Variants in ONECUT2 observed in about 807,000 individuals in gnomAD.
The protein encoded by ONECUT2 is one cut homeobox 2, also known as one cut domain family member 2.
In ONECUT2, 10 loss-of-function variants were observed where a neutral mutation model predicts 27.9. The ratio of observed to expected loss-of-function variants is 0.36; its 90% CI spans 0.22 to 0.61. ONECUT2 has a LOEUF of 0.61. Ranked by LOEUF, ONECUT2 falls within the 20% of genes least tolerant of loss-of-function variation. The probability of loss-of-function intolerance (pLI) is 0.73; values close to 1 mark genes in which losing one functional copy is unlikely to be tolerated. For missense variants in ONECUT2, 686 were observed against 721.0 expected, an observed-to-expected ratio of 0.95 and a Z score of 0.56; for synonymous variants, 334 against 315.1, an observed-to-expected ratio of 1.06 and a Z score of -0.64.
At chr18:57,464,600 T>A (rs1478353657) in intron 1 of ONECUT2, among the ~76,000 whole-genome samples, 1 of 152,280 alleles carries the variant, frequency 6.6e-6, no homozygotes, top group East Asian at 1.9e-4. Context: ...TCCAAAGGAA[T>A]GTCTTTTGTT....
Position 57,435,909 on chromosome 18 carries a change from C to T in ONECUT2, c.193C>T (p.Pro65Ser). The T allele has an allele frequency of 8.7e-7, 1 of 1,145,182 alleles. No individual in the cohort carries two copies. The allele number at this position is 1,145,182 out of a possible 1,614,324, so 70.9% of individuals were successfully genotyped here. ...PGHEQELLAS[P>S]SPHHAGRGAA... Reference sequence around the variant, plus strand: ...CCATGAGCAGGAGCTGCTGGCCAGCCCCAGCCCCCACCACGCGGGCCGCGG... The same window carrying T: ...CCATGAGCAGGAGCTGCTGGCCAGCTCCAGCCCCCACCACGCGGGCCGCGG... Residue 65 changes from proline to serine, a missense_variant, in exon 1 of 2, where the codon CCC becomes TCC. Physicochemically the swap from Pro to Ser is moderately conservative, Grantham distance 74 (BLOSUM62 -1). Transcript: ENST00000491143.
chr18:57,478,625 G>C lies in ONECUT2; in HGVS notation c.*1902G>C, dbSNP rs1466700271. 2.0e-5 allele frequency: 3 copies of C among 152,650 alleles called. No individual in the cohort carries two copies. Among genetic ancestry groups the C allele is most frequent in the Non-Finnish European group, 4.4e-5 (3 of 68,036 alleles). The allele number at this position is 152,650 out of a possible 1,614,324, so 9.5% of individuals were successfully genotyped here. ...GAGACAAAGATAGAAATAAGGAAGA[G>C]CCTCAGTGGCTGCTGCTTCATTTGA... On this transcript the variant is annotated 3_prime_UTR_variant, in exon 2 of 2. Coordinates refer to ENST00000491143, the MANE Select transcript of ONECUT2 (RefSeq NM_004852.3).
intron 1 of ONECUT2, among the ~76,000 whole-genome samples, chr18:57,473,832 C>T (rs2050367468): frequency 6.6e-6 from 1 of 152,198 alleles, no homozygotes; most frequent in African/African-American, 2.4e-5. Context: ...CCTGCAAAGG[C>T]TATTTCTGTG....
In ONECUT2 at chr18:57,436,632, C is replaced by A. The variant is rs879814910; in HGVS notation, c.916C>A (p.Pro306Thr). 6.2e-6 allele frequency: 10 copies of A among 1,611,712 alleles called. No individual in the cohort carries two copies. The highest frequency in any genetic ancestry group is 8.5e-6 in the Non-Finnish European group (10 of 1,179,886). ...HHPGHTQSHG[P>T]VLAPSRERPP... ...CCCGGGCCACACTCAGTCTCACGGG[C>A]CGGTGCTGGCACCCAGTCGCGAGCG... Residue 306 changes from proline (P) to threonine (T), a missense_variant, in exon 1 of 2, where the codon CCG (proline) becomes ACG (threonine). Pro to Thr is a conservative substitution (Grantham distance 38). This residue lies in a region of ONECUT2 where 511 missense variants were observed against 488.1 expected (regional missense o/e 1.05). Coordinates refer to ENST00000491143, the MANE Select transcript of ONECUT2 (RefSeq NM_004852.3). The surrounding 1 kb of genome is among the most constrained non-coding windows in gnomAD (Gnocchi z 5.9).
At position 57,477,638 on chromosome 18, in the gene ONECUT2, A is replaced by G. The variant is rs1369674615; in HGVS notation, c.*915A>G. 6.6e-6 allele frequency: 1 copy of G among 152,640 alleles called. No individual in the cohort carries two copies. 9.5% of individuals were successfully genotyped at this position (152,640 alleles called of 1,614,324 possible). Reference sequence around the variant, plus strand: ...GTTTGCTACAAATTCTGTTGTACATAATGCAGACGCACACTCAGGAGGCCA... The same window carrying G: ...GTTTGCTACAAATTCTGTTGTACATGATGCAGACGCACACTCAGGAGGCCA... On this transcript the variant is annotated 3_prime_UTR_variant, in exon 2 of 2. Transcript: ENST00000491143.
chr18:57,444,045 A>G (rs530351673), intron 1 of ONECUT2, among the ~76,000 whole-genome samples: 2 of 152,258 alleles, frequency 1.3e-5, no homozygotes, highest in Non-Finnish European at 2.9e-5. Flanking sequence ...ACTTGAAGTC[A>G]TGTAATCTCT....
At chr18:57,471,148 C>T (rs2050351261) in intron 1 of ONECUT2, among the ~76,000 whole-genome samples, 1 of 152,190 alleles carries the variant, frequency 6.6e-6, no homozygotes, top group Non-Finnish European at 1.5e-5. Flanking sequence ...CCTTTGCATC[C>T]CCTCTGGATG....
rs763952035 is a variant in ONECUT2 at position 57,436,726 on chromosome 18, A to G, written c.1010A>G (p.Glu337Gly). ...CAGCTGGAAGAAATCAACACCAAAG[A>G]GGTGGCCCAGCGCATCACAGCGGAG... is the stretch of plus-strand genomic sequence containing the variant. ...SGQLEEINTKEVAQRITAELK... is the reference protein window; with the variant it reads ...SGQLEEINTKGVAQRITAELK... The change falls in exon 1 of 2, where the codon GAG becomes GGG. Residue 337 changes from glutamate to glycine, a missense_variant. Physicochemically the swap from Glu to Gly is moderately conservative, Grantham distance 98. Around this residue, in one of 4 missense-constraint regions of ONECUT2, gnomAD observed 47 missense variants for 86.0 expected, o/e 0.55. Coordinates refer to ENST00000491143, the MANE Select transcript of ONECUT2 (RefSeq NM_004852.3). This position sits in a 1 kb window ranked among gnomAD's most constrained non-coding sequence, Gnocchi z 5.9. The G allele has an allele frequency of 6.2e-7, 1 of 1,613,848 alleles. No individual in the cohort carries two copies. Among genetic ancestry groups the G allele is most frequent in the Non-Finnish European group, 8.5e-7 (1 of 1,180,022 alleles).
chr18:57,471,135 C>T (rs1017507891), intron 1 of ONECUT2, among the ~76,000 whole-genome samples: 3 of 152,204 alleles, frequency 2.0e-5, no homozygotes, highest in Non-Finnish European at 4.4e-5. Context: ...CCTGTCCCGC[C>T]TCCCTTTGCA....
chr18:57,453,607 T>C (rs2050243078), intron 1 of ONECUT2, among the ~76,000 whole-genome samples: 3 of 152,304 alleles, frequency 2.0e-5, no homozygotes, highest in Non-Finnish European at 4.4e-5. Context: ...TTTATGCCTA[T>C]GGTTTTGCAG....
At chr18:57,464,040 T>C (rs1296009310) in intron 1 of ONECUT2, among the ~76,000 whole-genome samples, 1 of 152,034 alleles carries the variant, frequency 6.6e-6, no homozygotes, top group Admixed American at 6.6e-5. Context: ...GAGGATTCTG[T>C]TTCTGGCTGA....
intron 1 of ONECUT2, among the ~76,000 whole-genome samples, chr18:57,457,785 T>C (rs1161115740): frequency 2.0e-5 from 3 of 152,196 alleles, no homozygotes; most frequent in Non-Finnish European, 4.4e-5. Context: ...TGGAATACTA[T>C]GCAGCCATAA....
At position 57,487,273 on chromosome 18, in the gene ONECUT2, T is replaced by A. The variant is rs1321025403; in HGVS notation, c.*10550T>A. On this transcript the variant is annotated 3_prime_UTR_variant, in exon 2 of 2. Transcript: ENST00000491143. ...CCAATTTGCATTCCACAAATTGGGATCCTCATAACCCAAATATATCACCGT... is the reference window on the plus strand; with the variant it reads ...CCAATTTGCATTCCACAAATTGGGAACCTCATAACCCAAATATATCACCGT... 2.6e-5 allele frequency: 4 copies of A among 152,368 alleles called. No homozygotes were observed. The allele number at this position is 152,368 out of a possible 1,614,324, so 9.4% of individuals were successfully genotyped here.
At chr18:57,448,833 G>A (rs1376118146) in intron 1 of ONECUT2, among the ~76,000 whole-genome samples, 3 of 152,134 alleles carry the variant, frequency 2.0e-5, no homozygotes, top group Non-Finnish European at 4.4e-5. Context: ...TCTATTATCT[G>A]TTTTGACCCT....
intron 1 of ONECUT2, among the ~76,000 whole-genome samples, chr18:57,472,769 C>A (rs1267395702): frequency 1.3e-5 from 2 of 152,034 alleles, no homozygotes; most frequent in Non-Finnish European, 2.9e-5. Context: ...CCAATGTGGA[C>A]CTGTACCCAA....
At chr18:57,449,998 A>G (rs1289652692) in intron 1 of ONECUT2, among the ~76,000 whole-genome samples, 2 of 152,128 alleles carry the variant, frequency 1.3e-5, no homozygotes, top group Admixed American at 1.3e-4. Flanking sequence ...TGAGCTCCCC[A>G]TGGACTGCTG....
Position 57,486,359 on chromosome 18 carries a change from A to G in ONECUT2, c.*9636A>G, listed in dbSNP as rs1251453566. The G allele has an allele frequency of 2.0e-5, 3 of 152,618 alleles. No individual in the cohort carries two copies. Among genetic ancestry groups the G allele is most frequent in the African/African-American group, 7.2e-5 (3 of 41,438 alleles). 9.5% of individuals were successfully genotyped at this position (152,618 alleles called of 1,614,324 possible). On this transcript the variant is annotated 3_prime_UTR_variant, in exon 2 of 2. Transcript: ENST00000491143. Reference sequence around the variant, plus strand: ...GCTTTGCAATGCAACCCTGCAAAGAACAAGATTTGTACTAATACCAAAGGT... The same window carrying G: ...GCTTTGCAATGCAACCCTGCAAAGAGCAAGATTTGTACTAATACCAAAGGT...
chr18:57,436,412 G>A lies in ONECUT2; in HGVS notation c.696G>A (p.Leu232=). Residue 232 remains leucine (L), a synonymous_variant, in exon 1 of 2, where the codon CTG becomes CTA. Coordinates refer to ENST00000491143, the MANE Select transcript of ONECUT2 (RefSeq NM_004852.3). The surrounding 1 kb of genome is among the most constrained non-coding windows in gnomAD (Gnocchi z 5.9). ...TGTCCCCGCTGGCCGCCACGCCGCT[G>A]GGCAACGGGCTAGGCGGCCTCCACA... ...QSLSPLAATP[L]GNGLGGLHNA... 6.2e-7 allele frequency: 1 copy of A among 1,611,480 alleles called. No homozygotes were observed. Among genetic ancestry groups the A allele is most frequent in the Non-Finnish European group, 8.5e-7 (1 of 1,179,856 alleles).
intron 1 of ONECUT2, among the ~76,000 whole-genome samples, chr18:57,461,263 A>G (rs925874001): frequency 1.1e-4 from 16 of 151,876 alleles, no homozygotes; most frequent in African/African-American, 3.9e-4. Flanking sequence ...GTGTTGCTGC[A>G]TGTAGTAGCA....
Sources: allele counts gnomAD v4.1 joint callset (sites outside exome capture counted in the v4.1 genomes callset), GRCh38; gene constraint gnomAD v4.1.1; regional missense constraint gnomAD v4.1.1; non-coding constraint Gnocchi (gnomAD v3.1); transcripts MANE v1.5; gene names NCBI Gene and HGNC (gene_info 2026-07-23, HGNC 2026-07-21).